Variants in TANGO6 observed in about 807,000 individuals in gnomAD.
The protein encoded by TANGO6 is transport and Golgi organization protein 6 homolog.
TANGO6 carries 90 observed loss-of-function variants against 114.2 expected under a neutral mutation model. The ratio of observed to expected loss-of-function variants is 0.79; its 90% CI spans 0.66 to 0.94. The LOEUF is 0.94. TANGO6 is among the 40% of genes least tolerant of loss of function. The pLI is 0.00. For synonymous variants in TANGO6, 477 were observed against 509.8 expected (o/e 0.94, Z 0.87); for missense variants, 1,274 against 1,315.3 (o/e 0.97, Z 0.49).
chr16:69,066,598 TC>T (rs1371992607), intron 17 of TANGO6, among the ~76,000 whole-genome samples: 2 of 152,024 alleles, frequency 1.3e-5, no homozygotes, highest in African/African-American at 4.8e-5. Context: ...CGCCCGGACT[TC>T]CCCTCCTATT....
At chr16:69,079,300 G>C (rs1179991408) in intron 17 of TANGO6, among the ~76,000 whole-genome samples, 1 of 151,946 alleles carries the variant, frequency 6.6e-6, no homozygotes, top group Non-Finnish European at 1.5e-5. Context: ...TTGCACTCCA[G>C]CCTGGGCAAC....
chr16:69,010,819 A>G (rs73562683), intron 15 of TANGO6, among the ~76,000 whole-genome samples: 4,171 of 152,318 alleles, frequency 0.027, 152 homozygotes, highest in African/African-American at 0.08. Flanking sequence ...TATACATTCA[A>G]TGTTTTCATT....
At chr16:69,011,217 T>G (rs559880587) in intron 15 of TANGO6, among the ~76,000 whole-genome samples, 2 of 152,292 alleles carry the variant, frequency 1.3e-5, no homozygotes, top group African/African-American at 4.8e-5. Context: ...AGGAATGGTT[T>G]TGTCTGTGTT....
intron 15 of TANGO6, among the ~76,000 whole-genome samples, chr16:69,009,690 T>C (rs950653150): frequency 2.0e-5 from 3 of 152,240 alleles, no homozygotes; most frequent in Non-Finnish European, 4.4e-5. Context: ...ATGGGATGTC[T>C]TTCCATTTAT....
chr16:68,985,168 T>C (rs1327732477), intron 15 of TANGO6, among the ~76,000 whole-genome samples: 5 of 152,132 alleles, frequency 3.3e-5, no homozygotes, highest in Non-Finnish European at 5.9e-5. Flanking sequence ...CTACCATGCC[T>C]GGCCTATTTC....
At chr16:69,071,920 G>A (rs897969814) in intron 17 of TANGO6, among the ~76,000 whole-genome samples, 1 of 152,130 alleles carries the variant, frequency 6.6e-6, no homozygotes, top group Non-Finnish European at 1.5e-5. Flanking sequence ...GGTCCTTTCT[G>A]AGCCACGTCT....
intron 7 of TANGO6, among the ~76,000 whole-genome samples, chr16:68,890,591 T>C (rs984272564): frequency 1.3e-5 from 2 of 152,192 alleles, no homozygotes; most frequent in Non-Finnish European, 2.9e-5. Context: ...AAATGAGAAA[T>C]GGGGCATGTG....
At chr16:69,040,265 C>T in intron 16 of TANGO6, 43 bp from the exon 17 acceptor site, 1 of 1,507,920 alleles carries the variant, frequency 6.6e-7, no homozygotes, top group Non-Finnish European at 9.1e-7. Context: ...GGTAATTGTG[C>T]AACTCTGATT....
chr16:69,015,964 T>TC (rs1597058835), intron 15 of TANGO6, among the ~76,000 whole-genome samples: 1 of 152,310 alleles, frequency 6.6e-6, no homozygotes, highest in East Asian at 1.9e-4. Context: ...ACTCTCTTCT[T>TC]CACTTTTCCA....
rs371179120 is a variant in TANGO6 at position 69,055,952 on chromosome 16, T to C, written c.3108+15531T>C. 2.2e-3 allele frequency among the ~76,000 whole-genome samples: 332 copies of C among 151,996 alleles called. 2 individuals carry two copies. Among genetic ancestry groups the C allele is most frequent in the African/African-American group, 7.7e-3 (318 of 41,410 alleles). On this transcript the variant is annotated intron_variant, in intron 17 of 17. Coordinates refer to ENST00000261778, the MANE Select transcript of TANGO6 (RefSeq NM_024562.2). ...TACTTGGGAGGCTGAGGCAGGAGAA[T>C]TGCTTGAACCCAGGAGGCGGAGGTT...
At chr16:69,048,781 A>G (rs927296380) in intron 17 of TANGO6, among the ~76,000 whole-genome samples, 5 of 152,208 alleles carry the variant, frequency 3.3e-5, no homozygotes, top group Admixed American at 6.5e-5. Flanking sequence ...TTTTTTAATT[A>G]CAAGAGTTAC....
chr16:68,853,739 A>C (rs1596988502), intron 1 of TANGO6, among the ~76,000 whole-genome samples: 1 of 152,240 alleles, frequency 6.6e-6, no homozygotes, highest in South Asian at 2.1e-4. Flanking sequence ...AGCTTTGATC[A>C]TGTCATACTT....
chr16:68,900,550 A>G lies in TANGO6; in HGVS notation c.1490+4A>G, dbSNP rs1237813087. 1 of 1,597,490 alleles carries G rather than the reference A, an allele frequency of 6.3e-7. No homozygotes were observed. On this transcript the variant is annotated splice_donor_region_variant and intron_variant, in intron 8 of 17. Transcript: ENST00000261778. ...AGCAGAGTGTGTCTCACATAAGGTA[A>G]ACAATCAAGGGACCCTTATTTGTTT...
intron 17 of TANGO6, among the ~76,000 whole-genome samples, chr16:69,072,084 G>A (rs7194595): frequency 0.048 from 5,139 of 105,998 alleles, 463 homozygotes; most frequent in African/African-American, 0.22. Flanking sequence ...GAGGGAGACC[G>A]TGTGTGTGTG....
chr16:68,847,798 G>A (rs1961837254), intron 1 of TANGO6, among the ~76,000 whole-genome samples: 1 of 151,928 alleles, frequency 6.6e-6, no homozygotes, highest in African/African-American at 2.4e-5. Context: ...TCAGGAGTTC[G>A]AGACCAGCCT....
At chr16:68,958,096 G>A (rs904436884) in intron 14 of TANGO6, among the ~76,000 whole-genome samples, 3 of 150,294 alleles carry the variant, frequency 2.0e-5, no homozygotes, top group East Asian at 2.0e-4. Context: ...CACTTGAACC[G>A]GGAGGCAAAG....
At chr16:69,013,139 A>G (rs1959227610) in intron 15 of TANGO6, among the ~76,000 whole-genome samples, 1 of 151,290 alleles carries the variant, frequency 6.6e-6, no homozygotes, top group Admixed American at 6.6e-5. Flanking sequence ...TTAATAGGTT[A>G]GCACATATAC....
Position 68,874,064 on chromosome 16 carries a change from C to T in TANGO6, c.995-1090C>T, listed in dbSNP as rs146670908. 1.9e-4 allele frequency among the ~76,000 whole-genome samples: 29 copies of T among 152,298 alleles called. No individual in the cohort carries two copies. In the East Asian group the frequency reaches 5.2e-3, roughly 27 times the overall value. On this transcript the variant is annotated intron_variant, in intron 4 of 17. Transcript: ENST00000261778. Reference sequence around the variant, plus strand: ...TTATGAACCGTGGGGGTTGTTCCCCCCTACTCCTTTCTGGTGGTTATTGCC... The same window carrying T: ...TTATGAACCGTGGGGGTTGTTCCCCTCTACTCCTTTCTGGTGGTTATTGCC...
chr16:68,845,110 G>A (rs112497921), intron 1 of TANGO6, among the ~76,000 whole-genome samples: 5 of 152,036 alleles, frequency 3.3e-5, no homozygotes, highest in African/African-American at 1.2e-4. Flanking sequence ...TGGGATTACA[G>A]GTGCACACCA....
Sources: gnomAD v4.1 joint callset for allele counts (sites outside exome capture counted in the v4.1 genomes callset) on GRCh38, gnomAD v4.1.1 for gene constraint, MANE v1.5 for transcripts, NCBI Gene and HGNC (gene_info 2026-07-23, HGNC 2026-07-21) for gene names.